CHID1: variants seen among roughly 807,000 people sequenced by gnomAD.
The protein encoded by CHID1 is chitinase domain containing 1.
A neutral mutation model predicts 55.4 loss-of-function variants in CHID1; 44 were observed. That is an observed-to-expected ratio of 0.79 (90% CI 0.62 to 1.02). The LOEUF (loss-of-function observed/expected upper bound fraction) is 1.02, where lower values mean the gene tolerates loss of function less well. Ranked by LOEUF, CHID1 falls within the 50% of genes least tolerant of loss-of-function variation. The pLI is 0.00. For missense variants in CHID1, 491 were observed against 515.3 expected, an observed-to-expected ratio of 0.95 and a Z score of 0.46; for synonymous variants, 216 against 212.9, an observed-to-expected ratio of 1.01 and a Z score of -0.13.
chr11:891,531 A>G (rs778175807), intron 8 of CHID1, among the ~76,000 whole-genome samples: 2 of 152,198 alleles, frequency 1.3e-5, no homozygotes, highest in South Asian at 4.1e-4. Context: ...CCTCTGCCCC[A>G]GCCTCAAGAA....
chr11:897,310 A>G (rs929175090), intron 7 of CHID1, among the ~76,000 whole-genome samples: 25 of 152,098 alleles, frequency 1.6e-4, no homozygotes. Context: ...ACAAGAGGCT[A>G]TCTCCTGAGG....
intron 1 of CHID1, among the ~76,000 whole-genome samples, chr11:906,536 G>A (rs192006718): frequency 9.3e-4 from 141 of 152,216 alleles, no homozygotes; most frequent in Non-Finnish European, 1.4e-3. Flanking sequence ...TTCCACATAC[G>A]TTGAAAACAT....
intron 3 of CHID1, 134 bp downstream of exon 3, chr11:902,828 T>C (rs188752663): frequency 4.4e-4 from 365 of 834,914 alleles, no homozygotes; most frequent in Non-Finnish European, 6.3e-4. Flanking sequence ...CACCGTAGCC[T>C]CACAGCAGCA....
At chr11:887,788 C>A (rs749610172) in intron 8 of CHID1, among the ~76,000 whole-genome samples, 1 of 152,176 alleles carries the variant, frequency 6.6e-6, no homozygotes, top group South Asian at 2.1e-4. Flanking sequence ...CCCACATCCA[C>A]GGTGCTGCAA....
chr11:902,441 A>G (rs1851889374), intron 3 of CHID1, 111 bp from the exon 4 acceptor site: 2 of 1,234,208 alleles, frequency 1.6e-6, no homozygotes, highest in Non-Finnish European at 2.3e-6. Context: ...CAGCGTAGAC[A>G]GATACCAGCC....
Position 875,633 on chromosome 11 carries a change from AG to A in CHID1, c.960-5135del, listed in dbSNP as rs1160300110. Among the ~76,000 whole-genome samples the A allele has an allele frequency of 3.3e-5, 5 of 152,138 alleles. No homozygotes were observed. Among genetic ancestry groups the A allele is most frequent in the African/African-American group, 1.2e-4 (5 of 41,416 alleles). The stretch of plus-strand genomic sequence containing the variant: ...AAACTCTTAGCGCCACATGAGGCCG[AG>A]GGAGTCAAGTCCTGGGGTGGCCATG... On this transcript the variant is annotated intron_variant, in intron 10 of 12. Coordinates refer to ENST00000323578, the MANE Select transcript of CHID1 (RefSeq NM_023947.4). This position sits in a 1 kb window ranked among gnomAD's most constrained non-coding sequence, Gnocchi z 4.7.
At chr11:907,233 G>A (rs1398445829) in intron 1 of CHID1, among the ~76,000 whole-genome samples, 3 of 152,166 alleles carry the variant, frequency 2.0e-5, no homozygotes, top group Admixed American at 1.3e-4. Flanking sequence ...TGTAATCCCA[G>A]CACTTTGGGA....
At chr11:884,566 G>A (rs2134185783) in intron 8 of CHID1, among the ~76,000 whole-genome samples, 1 of 152,318 alleles carries the variant, frequency 6.6e-6, no homozygotes, top group South Asian at 2.1e-4. Context: ...CCCTCCCGGG[G>A]TCTGCAGCAA....
chr11:898,348 G>A (rs986885757), intron 7 of CHID1, among the ~76,000 whole-genome samples: 4 of 152,180 alleles, frequency 2.6e-5, no homozygotes, highest in African/African-American at 9.7e-5. Flanking sequence ...AACTACTTCA[G>A]GTGGTGGGGG....
intron 10 of CHID1, among the ~76,000 whole-genome samples, chr11:871,092 G>T (rs113952795): frequency 3.3e-5 from 5 of 151,442 alleles, no homozygotes; most frequent in South Asian, 4.2e-4. Flanking sequence ...CCAGATTCAG[G>T]TGATTCTTCT....
intron 2 of CHID1, 95 bp from the exon 3 acceptor site, chr11:903,206 G>C: frequency 1.5e-6 from 2 of 1,312,652 alleles, no homozygotes; most frequent in African/African-American, 1.4e-5. Context: ...TCAGCCAGCA[G>C]CCGAGTCTCT....
chr11:873,895 A>C (rs986117899), intron 10 of CHID1, among the ~76,000 whole-genome samples: 1 of 152,194 alleles, frequency 6.6e-6, no homozygotes, highest in African/African-American at 2.4e-5. Context: ...AAGGAAAGCC[A>C]AACAGGATAT....
At chr11:888,870 G>A (rs958244612) in intron 8 of CHID1, among the ~76,000 whole-genome samples, 11 of 152,068 alleles carry the variant, frequency 7.2e-5, no homozygotes, top group African/African-American at 2.2e-4. Flanking sequence ...CTGGACTCCG[G>A]GCCCACACCA....
At chr11:879,362 T>A (rs1849730705) in intron 10 of CHID1, among the ~76,000 whole-genome samples, 1 of 152,196 alleles carries the variant, frequency 6.6e-6, no homozygotes, top group Non-Finnish European at 1.5e-5. Context: ...GGCCTGAGCC[T>A]GCACTGAGGA....
At chr11:885,709 C>T (rs1850340905) in intron 8 of CHID1, among the ~76,000 whole-genome samples, 1 of 152,166 alleles carries the variant, frequency 6.6e-6, no homozygotes, top group South Asian at 2.1e-4. Context: ...CACCCAGGTC[C>T]TCTCACCGAA....
At chr11:910,743 G>A (rs1852611739) in intron 1 of CHID1, 32 bp downstream of exon 1, 8 of 1,214,656 alleles carry the variant, frequency 6.6e-6, no homozygotes, top group Non-Finnish European at 8.4e-6. Context: ...GTGCAAGGAG[G>A]AGGAGCAGGG....
intron 3 of CHID1, 60 bp from the exon 4 acceptor site, chr11:902,390 G>A (rs924563163): frequency 1.3e-6 from 2 of 1,583,338 alleles, no homozygotes; most frequent in Non-Finnish European, 1.7e-6. Context: ...TCTCACCATG[G>A]TGCTGTCATT....
chr11:884,047 G>GC (rs763884284), intron 9 of CHID1, 21 bp downstream of exon 9: 1 of 1,589,410 alleles, frequency 6.3e-7, no homozygotes, highest in Non-Finnish European at 8.6e-7. Flanking sequence ...GTGCCCAGGA[G>GC]CCCCCCAAGC....
rs761978057 is a variant in CHID1, at chr11:869,955, G to C, written c.1085C>G (p.Ser362Cys). 1.2e-6 allele frequency: 2 copies of C among 1,612,740 alleles called. No individual in the cohort carries two copies. Among genetic ancestry groups the C allele is most frequent in the South Asian group, 2.2e-5 (2 of 91,078 alleles). Residue 362 changes from serine (S) to cysteine (C), a missense_variant and splice_region_variant, in exon 13 of 13, where the codon TCC becomes TGC. Coordinates refer to ENST00000323578, the MANE Select transcript of CHID1 (RefSeq NM_023947.4). ...GGCCAGCTCCAGCCGCACCTGCAGG[G>C]ACTGGGCACAGATGGAGGTGTGAGC... Reference protein sequence around the residue: ...RHVVFYPTLKSLQVRLELARE... With the variant: ...RHVVFYPTLKCLQVRLELARE...
Sources: allele counts gnomAD v4.1 joint callset (sites outside exome capture counted in the v4.1 genomes callset), GRCh38; gene constraint gnomAD v4.1.1; non-coding constraint Gnocchi (gnomAD v3.1); transcripts MANE v1.5; gene names NCBI Gene and HGNC (gene_info 2026-07-23, HGNC 2026-07-21).